The following KCNN2 variants were observed in gnomAD, a reference collection of about 807,000 sequenced individuals.
KCNN2 encodes the protein small conductance calcium-activated potassium channel protein 2.
A neutral mutation model predicts 55.5 loss-of-function variants in KCNN2; 24 were observed. The observed-to-expected ratio is 0.43, with a 90% CI of 0.31 to 0.61. The LOEUF is 0.61. Ranked by LOEUF, KCNN2 falls within the 20% of genes least tolerant of loss-of-function variation. The pLI, the probability that KCNN2 is intolerant of heterozygous loss-of-function variation, is 0.08. For synonymous variants in KCNN2, 431 were observed against 336.1 expected, an observed-to-expected ratio of 1.28 and a Z score of -3.09; for missense variants, 754 against 853.6, an observed-to-expected ratio of 0.88 and a Z score of 1.45.
intron 2 of KCNN2, among the ~76,000 whole-genome samples, chr5:114,353,319 G>A (rs1237295473): frequency 2.6e-5 from 4 of 151,556 alleles, no homozygotes; most frequent in Non-Finnish European, 1.5e-5. Context: ...ATTTCTTCCT[G>A]TGAATTCAAA....
chr5:114,117,165 G>T (rs897898361), intron 1 of KCNN2, among the ~76,000 whole-genome samples: 4 of 152,172 alleles, frequency 2.6e-5, no homozygotes, highest in Non-Finnish European at 5.9e-5. Flanking sequence ...GCCCAAGCTT[G>T]CTTATGAATA....
chr5:114,358,460 C>T, upstream of KCNN2, among the ~76,000 whole-genome samples: 1 of 151,956 alleles, frequency 6.6e-6, no homozygotes, highest in Admixed American at 6.6e-5. Flanking sequence ...AAAAAATAGG[C>T]AATTTTTATT....
chr5:114,092,357 T>C (rs1751163071), intron 1 of KCNN2, among the ~76,000 whole-genome samples: 1 of 152,206 alleles, frequency 6.6e-6, no homozygotes. Context: ...CTTGGGCAGC[T>C]CAGCCCCTGT....
intron 2 of KCNN2, among the ~76,000 whole-genome samples, chr5:114,277,303 C>T (rs1755511946): frequency 6.6e-6 from 1 of 152,128 alleles, no homozygotes; most frequent in African/African-American, 2.4e-5. Context: ...GTGAATCTGA[C>T]AATTATGTGT....
chr5:114,125,865 C>T (rs1351603900), intron 1 of KCNN2, among the ~76,000 whole-genome samples: 3 of 152,140 alleles, frequency 2.0e-5, no homozygotes, highest in Non-Finnish European at 4.4e-5. Flanking sequence ...GGGGCCCATC[C>T]TAATGCTTCA....
intron 2 of KCNN2, among the ~76,000 whole-genome samples, chr5:114,317,292 C>CT (rs1227186522): frequency 1.3e-5 from 2 of 151,732 alleles, no homozygotes; most frequent in Admixed American, 6.6e-5. Flanking sequence ...AGGAAATACA[C>CT]TTTTTTACAA....
At chr5:114,214,112 GT>G (rs1454854916) in intron 1 of KCNN2, among the ~76,000 whole-genome samples, 1 of 151,976 alleles carries the variant, frequency 6.6e-6, no homozygotes, top group Non-Finnish European at 1.5e-5. Flanking sequence ...TAGACCAGGG[GT>G]CAGCAAACTT....
chr5:114,151,368 G>A (rs1434030131), intron 1 of KCNN2, among the ~76,000 whole-genome samples: 1 of 152,082 alleles, frequency 6.6e-6, no homozygotes, highest in Non-Finnish European at 1.5e-5. Context: ...TTACTCCAGT[G>A]TGTTCTCATT....
At chr5:114,098,570 A>G (rs1035132537) in intron 1 of KCNN2, among the ~76,000 whole-genome samples, 2 of 151,982 alleles carry the variant, frequency 1.3e-5, no homozygotes, top group Admixed American at 1.3e-4. Flanking sequence ...GGTGGAACAG[A>G]TTCATCCTGA....
chr5:114,430,554 G>C (rs1195573155), intron 3 of KCNN2, among the ~76,000 whole-genome samples: 1 of 152,030 alleles, frequency 6.6e-6, no homozygotes, highest in African/African-American at 2.4e-5. Context: ...GAAAAAGATG[G>C]TTTTATTTCT....
At chr5:114,158,812 A>G (rs1471766622) in intron 1 of KCNN2, among the ~76,000 whole-genome samples, 2 of 151,920 alleles carry the variant, frequency 1.3e-5, no homozygotes, top group Non-Finnish European at 2.9e-5. Context: ...TTTGTCTGTT[A>G]TTGGTGTATA....
intron 3 of KCNN2, among the ~76,000 whole-genome samples, chr5:114,427,248 A>G (rs1484535751): frequency 1.3e-5 from 2 of 152,174 alleles, no homozygotes; most frequent in East Asian, 3.9e-4. Context: ...GAATCTTGCC[A>G]TTTCTTTGAA....
chr5:114,199,929 C>G (rs890912089), intron 1 of KCNN2, among the ~76,000 whole-genome samples: 13 of 152,004 alleles, frequency 8.6e-5, no homozygotes, highest in South Asian at 4.2e-4. Flanking sequence ...TTTTCTCTTG[C>G]TAATTTTCAA....
At chr5:114,118,313 C>G (rs1751758973) in intron 1 of KCNN2, among the ~76,000 whole-genome samples, 1 of 152,164 alleles carries the variant, frequency 6.6e-6, no homozygotes, top group African/African-American at 2.4e-5. Flanking sequence ...CACACACTCT[C>G]TCACTCATTC....
At chr5:114,304,371 C>T (rs1598820) in intron 2 of KCNN2, among the ~76,000 whole-genome samples, 7,020 of 152,154 alleles carry the variant, frequency 0.046, 558 homozygotes, top group African/African-American at 0.16. Context: ...GCCTTTTGGC[C>T]CCACTCAGAC....
intron 2 of KCNN2, among the ~76,000 whole-genome samples, chr5:114,306,690 T>C (rs902984499): frequency 3.1e-4 from 2 of 6,422 alleles, no homozygotes; most frequent in African/African-American, 4.2e-4. Context: ...CACTTAAATT[T>C]TTTTTTTTTC....
chr5:114,234,934 A>G (rs560436335), intron 2 of KCNN2, among the ~76,000 whole-genome samples: 103 of 152,322 alleles, frequency 6.8e-4, no homozygotes, highest in African/African-American at 2.4e-3. Context: ...TTCTGTATCT[A>G]TCTCCTTTAG....
intron 1 of KCNN2, among the ~76,000 whole-genome samples, chr5:114,120,369 C>G (rs2112595647): frequency 6.6e-6 from 1 of 152,224 alleles, no homozygotes; most frequent in East Asian, 1.9e-4. Context: ...TTTATCCCAT[C>G]ACTGGGGTCA....
At chr5:114,358,854 G>A (rs990054426), upstream of KCNN2, among the ~76,000 whole-genome samples, 1 of 152,120 alleles carries the variant, frequency 6.6e-6, no homozygotes, top group African/African-American at 2.4e-5. Context: ...CATTTTAAAT[G>A]TCTACATATA....
Sources: allele counts gnomAD v4.1 joint callset (sites outside exome capture counted in the v4.1 genomes callset), GRCh38; gene constraint gnomAD v4.1.1; transcripts MANE v1.5; gene names NCBI Gene and HGNC (gene_info 2026-07-23, HGNC 2026-07-21).